Variants in SDK1 observed in about 807,000 individuals in gnomAD.
SDK1 encodes the protein sidekick cell adhesion molecule 1, also known as protein sidekick-1.
In SDK1, 157 loss-of-function variants were observed where a neutral mutation model predicts 245.5. The ratio of observed to expected loss-of-function variants is 0.64; its 90% CI spans 0.56 to 0.73. The LOEUF is 0.73. Among genes scored for constraint, SDK1 ranks in the 30% least tolerant of loss-of-function variants. SDK1 has a pLI of 0.00. For synonymous variants in SDK1, 1,647 were observed against 1,278.5 expected, an observed-to-expected ratio of 1.29 and a Z score of -6.15; for missense variants, 3,583 against 3,002.3, an observed-to-expected ratio of 1.19 and a Z score of -4.52.
At chr7:3,971,348 C>A (rs1782471963) in intron 11 of SDK1, 118 bp from the exon 12 acceptor site, 2 of 703,762 alleles carry the variant, frequency 2.8e-6, no homozygotes, top group African/African-American at 1.8e-5. Context: ...ACTCATTCTG[C>A]CAAGATGAGA....
chr7:3,508,938 C>G (rs1260070070), intron 1 of SDK1, among the ~76,000 whole-genome samples: 1 of 152,138 alleles, frequency 6.6e-6, no homozygotes, highest in Non-Finnish European at 1.5e-5. Context: ...TTTTTCTGCT[C>G]TTAAAGGATA....
chr7:4,096,875 C>T (rs964166102), intron 22 of SDK1, among the ~76,000 whole-genome samples: 2 of 152,160 alleles, frequency 1.3e-5, no homozygotes, highest in Admixed American at 6.5e-5. Context: ...CCCAGGTCTG[C>T]GAAGTCCCCA....
At chr7:3,453,900 C>A (rs974330719) in intron 1 of SDK1, among the ~76,000 whole-genome samples, 1 of 152,064 alleles carries the variant, frequency 6.6e-6, no homozygotes, top group Non-Finnish European at 1.5e-5. Flanking sequence ...ATTATTTCCT[C>A]CCGGCACATT....
chr7:3,680,685 AAGT>A (rs1263424267), intron 4 of SDK1, among the ~76,000 whole-genome samples: 2 of 152,256 alleles, frequency 1.3e-5, no homozygotes, highest in African/African-American at 4.8e-5. Context: ...AATTATTGTC[AAGT>A]AACTATTTGC....
In SDK1 at chr7:3,354,083, C is replaced by A. The variant is rs539791991; in HGVS notation, c.298+52199C>A. Among the ~76,000 whole-genome samples the A allele has an allele frequency of 2.0e-5, 3 of 151,670 alleles. No individual in the cohort carries two copies. The South Asian group carries it at 6.2e-4, about 32-fold the overall frequency. ...TCTCGGCTCGCTGCAAGCTCCGCCT[C>A]CTGGGTTCACACCATTCTTTTGCCT... On this transcript the variant is annotated intron_variant, in intron 1 of 44. Coordinates refer to ENST00000404826, the MANE Select transcript of SDK1 (RefSeq NM_152744.4).
intron 1 of SDK1, among the ~76,000 whole-genome samples, chr7:3,593,817 C>T (rs1293770934): frequency 6.6e-6 from 1 of 152,060 alleles, no homozygotes; most frequent in East Asian, 1.9e-4. Context: ...TCTGGCTTTG[C>T]CACTTCGCAG....
intron 4 of SDK1, among the ~76,000 whole-genome samples, chr7:3,811,198 T>G (rs1404425698): frequency 1.3e-5 from 2 of 152,184 alleles, no homozygotes; most frequent in African/African-American, 4.8e-5. Flanking sequence ...GATGTCAGAA[T>G]TGTTATCCCC....
chr7:3,917,241 A>T (rs1438071115), intron 5 of SDK1, among the ~76,000 whole-genome samples: 2 of 152,236 alleles, frequency 1.3e-5, no homozygotes, highest in Admixed American at 6.5e-5. Flanking sequence ...CCCTTGTCTT[A>T]TAGGCAGGTG....
intron 35 of SDK1, among the ~76,000 whole-genome samples, chr7:4,190,728 C>G (rs1239953013): frequency 6.6e-6 from 1 of 152,268 alleles, no homozygotes; most frequent in African/African-American, 2.4e-5. Flanking sequence ...GAATTCACGG[C>G]TTCCTTCAGG....
At chr7:3,670,937 GGTC>G (rs1783682670) in intron 4 of SDK1, among the ~76,000 whole-genome samples, 1 of 152,182 alleles carries the variant, frequency 6.6e-6, no homozygotes, top group African/African-American at 2.4e-5. Context: ...TACAAGGACA[GGTC>G]GTCTATTATT....
chr7:3,704,664 C>A (rs150542410), intron 4 of SDK1, among the ~76,000 whole-genome samples: 10 of 152,206 alleles, frequency 6.6e-5, no homozygotes, highest in African/African-American at 2.2e-4. Flanking sequence ...ATGATTGTTT[C>A]TTTTGCTGTA....
At chr7:3,665,641 A>G (rs967399338) in intron 4 of SDK1, among the ~76,000 whole-genome samples, 2 of 152,174 alleles carry the variant, frequency 1.3e-5, no homozygotes, top group Non-Finnish European at 2.9e-5. Flanking sequence ...GGAGTGCCAC[A>G]GCAAGAGGCA....
intron 5 of SDK1, among the ~76,000 whole-genome samples, chr7:3,941,353 C>G (rs1000258858): frequency 6.6e-6 from 1 of 152,082 alleles, no homozygotes; most frequent in Admixed American, 6.5e-5. Flanking sequence ...CATGGCTTTC[C>G]TCCTTGACGC....
rs559377352 is a variant in SDK1 at position 3,694,657 on chromosome 7, C to T, written c.713+52552C>T. 2.6e-5 allele frequency among the ~76,000 whole-genome samples: 4 copies of T among 152,258 alleles called. No homozygotes were observed. The South Asian group carries it at 6.2e-4, about 24-fold the overall frequency. On this transcript the variant is annotated intron_variant, in intron 4 of 44. Transcript: ENST00000404826. ...AGACATTCCCTGGAAAACAATGCCA[C>T]TGTCTTGGTGTGTCTGATGTTCTGG...
At chr7:3,574,634 C>T (rs571024446) in intron 1 of SDK1, among the ~76,000 whole-genome samples, 6 of 152,190 alleles carry the variant, frequency 3.9e-5, no homozygotes, top group African/African-American at 1.4e-4. Context: ...TAATCCCAGT[C>T]CGCATCATTC....
chr7:3,480,176 A>C (rs1046737432), intron 1 of SDK1, among the ~76,000 whole-genome samples: 1 of 152,212 alleles, frequency 6.6e-6, no homozygotes, highest in Non-Finnish European at 1.5e-5. Context: ...CAAGTCCTTA[A>C]TGTGAAAGAA....
At chr7:3,815,951 C>T (rs1779498096) in intron 4 of SDK1, among the ~76,000 whole-genome samples, 1 of 143,298 alleles carries the variant, frequency 7.0e-6, no homozygotes, top group South Asian at 2.3e-4. Flanking sequence ...TCACTCAAAG[C>T]CGCTCAACTA....
chr7:3,428,707 T>C (rs540782350), intron 1 of SDK1, among the ~76,000 whole-genome samples: 4 of 152,206 alleles, frequency 2.6e-5, no homozygotes, highest in Non-Finnish European at 4.4e-5. Context: ...TGTAAAGAGC[T>C]ACTCAAAGCT....
At chr7:4,181,755 A>G (rs368591711) in intron 35 of SDK1, among the ~76,000 whole-genome samples, 3 of 151,514 alleles carry the variant, frequency 2.0e-5, no homozygotes, top group African/African-American at 4.9e-5. Flanking sequence ...GGCCTTTTCC[A>G]TGCACACACA....
Sources: allele counts gnomAD v4.1 joint callset (sites outside exome capture counted in the v4.1 genomes callset), GRCh38; gene constraint gnomAD v4.1.1; transcripts MANE v1.5; gene names NCBI Gene and HGNC (gene_info 2026-07-23, HGNC 2026-07-21).